The following POU6F2 variants were observed in gnomAD, a reference collection of about 807,000 sequenced individuals.
The protein encoded by POU6F2 is POU class 6 homeobox 2, also known as POU domain, class 6, transcription factor 2.
A neutral mutation model predicts 71.3 loss-of-function variants in POU6F2; 31 were observed. The ratio of observed to expected loss-of-function variants is 0.43; its 90% CI spans 0.33 to 0.59. POU6F2 has a LOEUF of 0.59. Ranked by LOEUF, POU6F2 falls within the 20% of genes least tolerant of loss-of-function variation. The pLI is 0.04. For missense variants in POU6F2, 783 were observed against 856.8 expected (o/e 0.91, Z 1.07); for synonymous variants, 347 against 355.7 (o/e 0.98, Z 0.27).
chr7:39,210,046 C>A (rs1794107259), intron 4 of POU6F2, among the ~76,000 whole-genome samples: 2 of 152,158 alleles, frequency 1.3e-5, no homozygotes, highest in African/African-American at 4.8e-5. Context: ...TCCTTTCCCC[C>A]ATCTCTTTCC....
At chr7:39,158,988 A>G (rs1232806726) in intron 2 of POU6F2, among the ~76,000 whole-genome samples, 1 of 151,874 alleles carries the variant, frequency 6.6e-6, no homozygotes, top group Non-Finnish European at 1.5e-5. Flanking sequence ...CCTTGCCAAC[A>G]TGATGAAACC....
chr7:39,027,113 C>T (rs1464575062), intron 1 of POU6F2, among the ~76,000 whole-genome samples: 1 of 152,084 alleles, frequency 6.6e-6, no homozygotes. Flanking sequence ...TTCCTGACAG[C>T]CCAGAAAACA....
At chr7:39,022,647 C>G (rs931691437) in intron 1 of POU6F2, among the ~76,000 whole-genome samples, 3 of 152,114 alleles carry the variant, frequency 2.0e-5, no homozygotes, top group Non-Finnish European at 4.4e-5. Context: ...ATTCTTCACT[C>G]AGTGTAACAT....
At chr7:39,243,361 CT>C (rs1783760943) in intron 4 of POU6F2, among the ~76,000 whole-genome samples, 1 of 152,028 alleles carries the variant, frequency 6.6e-6, no homozygotes, top group African/African-American at 2.4e-5. Flanking sequence ...ACTGCACCCC[CT>C]GCACCCCTTA....
chr7:39,195,407 C>A (rs1284045078), intron 2 of POU6F2, among the ~76,000 whole-genome samples: 1 of 152,184 alleles, frequency 6.6e-6, no homozygotes, highest in Non-Finnish European at 1.5e-5. Flanking sequence ...AAATCATATT[C>A]TGCATGACAG....
At chr7:39,323,507 A>G (rs1299694835) in intron 4 of POU6F2, among the ~76,000 whole-genome samples, 1 of 152,160 alleles carries the variant, frequency 6.6e-6, no homozygotes, top group Non-Finnish European at 1.5e-5. Context: ...GCCATGCACC[A>G]TCAGCTTCTA....
At chr7:39,066,104 C>G (rs570614237) in intron 1 of POU6F2, among the ~76,000 whole-genome samples, 30 of 151,696 alleles carry the variant, frequency 2.0e-4, no homozygotes, top group Non-Finnish European at 4.1e-4. Flanking sequence ...TCCGAAGATG[C>G]TTTACTATTA....
chr7:39,463,909 A>T (rs1369437243), intron 9 of POU6F2, among the ~76,000 whole-genome samples: 1 of 152,196 alleles, frequency 6.6e-6, no homozygotes, highest in African/African-American at 2.4e-5. Context: ...AAGGCCTGTG[A>T]GTTGTTTGCA....
chr7:39,278,266 G>C (rs895002201), intron 4 of POU6F2, among the ~76,000 whole-genome samples: 1 of 152,118 alleles, frequency 6.6e-6, no homozygotes, highest in Non-Finnish European at 1.5e-5. Flanking sequence ...GCATCACTGT[G>C]ATCAGAAACT....
At position 39,197,269 on chromosome 7, in the gene POU6F2, C is replaced by CA. The variant is rs545533955; in HGVS notation, c.278-6965dup. On this transcript the variant is annotated intron_variant, in intron 2 of 9. Coordinates refer to ENST00000518318, the MANE Select transcript of POU6F2 (RefSeq NM_001370959.1). ...GGTGAGGGGAAGGTCATATGCTCAG[C>CA]ATGCAACTCCTCAAGGGTCTTCCTG... is the stretch of plus-strand genomic sequence containing the variant. Among the ~76,000 whole-genome samples the CA allele has an allele frequency of 5.4e-3, 818 of 152,312 alleles. 12 individuals are homozygous for CA. Among genetic ancestry groups the CA allele is most frequent in the Non-Finnish European group, 6.5e-3 (440 of 68,032 alleles).
At chr7:39,187,236 G>T (rs533652406) in intron 2 of POU6F2, among the ~76,000 whole-genome samples, 2 of 152,284 alleles carry the variant, frequency 1.3e-5, no homozygotes, top group African/African-American at 4.8e-5. Context: ...CAGGCAATCC[G>T]CCCTCAGAGC....
Position 39,381,991 on chromosome 7 carries a change from C to T in POU6F2, c.973-24609C>T, listed in dbSNP as rs373602191. ...GGTAACAACTCCCCTGTTAGAAATT[C>T]CTCTGTCCAGCAACTTAGCTCTTTG... On this transcript the variant is annotated intron_variant, in intron 5 of 9. Coordinates refer to ENST00000518318, the MANE Select transcript of POU6F2 (RefSeq NM_001370959.1). Among the ~76,000 whole-genome samples the T allele has an allele frequency of 5.9e-5, 9 of 152,122 alleles. No individual in the cohort carries two copies. In the East Asian group the frequency reaches 9.7e-4, roughly 16 times the overall value.
chr7:39,303,138 G>GT (rs1784982298), intron 4 of POU6F2, among the ~76,000 whole-genome samples: 1 of 152,070 alleles, frequency 6.6e-6, no homozygotes, highest in African/African-American at 2.4e-5. Flanking sequence ...ATTGCTTTAT[G>GT]TTTTTGTTTT....
chr7:39,221,283 G>A (rs948190993), intron 4 of POU6F2, among the ~76,000 whole-genome samples: 4 of 151,086 alleles, frequency 2.6e-5, no homozygotes, highest in Non-Finnish European at 4.4e-5. Flanking sequence ...ACAAATTAGA[G>A]ACAACACATT....
At chr7:39,369,994 A>G (rs972033249) in intron 5 of POU6F2, among the ~76,000 whole-genome samples, 2 of 152,180 alleles carry the variant, frequency 1.3e-5, no homozygotes, top group African/African-American at 4.8e-5. Flanking sequence ...ATTTTTATAC[A>G]TTAGACATAA....
intron 1 of POU6F2, among the ~76,000 whole-genome samples, chr7:39,079,949 G>C (rs924749069): frequency 6.6e-6 from 1 of 152,126 alleles, no homozygotes; most frequent in Admixed American, 6.5e-5. Context: ...ATTTTTGTTT[G>C]CAGCCCAAAA....
At chr7:39,171,016 C>CTTTTTTTTTTTTTTTT (rs760022218) in intron 2 of POU6F2, among the ~76,000 whole-genome samples, 1 of 94,556 alleles carries the variant, frequency 1.1e-5, no homozygotes, top group Non-Finnish European at 2.0e-5. Flanking sequence ...TCACATATAT[C>CTTTTTTTTTTTTTTTT]TTTTTTTTTT....
intron 1 of POU6F2, among the ~76,000 whole-genome samples, chr7:39,037,080 C>G (rs1790082257): frequency 6.6e-6 from 1 of 151,916 alleles, no homozygotes; most frequent in Non-Finnish European, 1.5e-5. Flanking sequence ...ATTTGAGAGA[C>G]TCAGTTGCTG....
intron 5 of POU6F2, among the ~76,000 whole-genome samples, chr7:39,347,673 C>T (rs1450889569): frequency 2.0e-5 from 3 of 146,486 alleles, no homozygotes; most frequent in Admixed American, 1.4e-4. Context: ...TCACTGTCAC[C>T]CAGGCTGGCA....
Sources: gnomAD v4.1 joint callset for allele counts (sites outside exome capture counted in the v4.1 genomes callset) on GRCh38, gnomAD v4.1.1 for gene constraint, MANE v1.5 for transcripts, NCBI Gene and HGNC (gene_info 2026-07-23, HGNC 2026-07-21) for gene names.